The following LINGO2 variants were observed in gnomAD, a reference collection of about 807,000 sequenced individuals.
LINGO2 encodes leucine-rich repeat and immunoglobulin-like domain-containing nogo receptor-interacting protein 2.
In LINGO2, 14 loss-of-function variants were observed where a neutral mutation model predicts 30.6. That is an observed-to-expected ratio of 0.46 (90% CI 0.30 to 0.72). The LOEUF is 0.72. LINGO2 is among the 30% of genes least tolerant of loss of function. The probability of loss-of-function intolerance (pLI) is 0.07; values close to 1 mark genes in which losing one functional copy is unlikely to be tolerated. For synonymous variants in LINGO2, 317 were observed against 288.5 expected (o/e 1.10, Z -1.00); for missense variants, 729 against 751.7 (o/e 0.97, Z 0.35).
chr9:28,659,887 A>T (rs1016740968), intron 1 of LINGO2, among the ~76,000 whole-genome samples: 1 of 152,152 alleles, frequency 6.6e-6, no homozygotes, highest in Non-Finnish European at 1.5e-5. Flanking sequence ...TAAAATAAAG[A>T]CCTTCATAGA....
chr9:28,915,421 C>A, the LINGO2 span, among the ~76,000 whole-genome samples: 2 of 152,024 alleles, frequency 1.3e-5, no homozygotes, highest in African/African-American at 2.4e-5. Flanking sequence ...TGAGAATCTA[C>A]CTTAGTAACA....
the LINGO2 span, among the ~76,000 whole-genome samples, chr9:29,108,899 G>A: frequency 1.6e-4 from 25 of 152,256 alleles, no homozygotes; most frequent in African/African-American, 5.8e-4. Context: ...TAAAATTTTT[G>A]TAAGCCCAAT....
chr9:29,073,035 G>C, the LINGO2 span, among the ~76,000 whole-genome samples: 2 of 149,972 alleles, frequency 1.3e-5, no homozygotes, highest in Admixed American at 1.3e-4. Flanking sequence ...AGCTTGGCTA[G>C]AACCCCCCTC....
chr9:29,024,626 T>C, the LINGO2 span, among the ~76,000 whole-genome samples: 3 of 152,134 alleles, frequency 2.0e-5, no homozygotes, highest in African/African-American at 7.2e-5. Flanking sequence ...GAAAATGACC[T>C]ATTTTAACTA....
At chr9:28,193,884 T>C (rs1256835934) in intron 4 of LINGO2, among the ~76,000 whole-genome samples, 1 of 152,190 alleles carries the variant, frequency 6.6e-6, no homozygotes, top group Admixed American at 6.5e-5. Flanking sequence ...TCTAGGCTAG[T>C]TTGGTCTCCT....
chr9:29,177,822 C>T, the LINGO2 span, among the ~76,000 whole-genome samples: 1 of 151,900 alleles, frequency 6.6e-6, no homozygotes, highest in Admixed American at 6.6e-5. Context: ...GAAAATTGTC[C>T]CCAAATTCTC....
the LINGO2 span, among the ~76,000 whole-genome samples, chr9:28,797,359 T>TATATATAGAGAGAGAGAG: frequency 5.8e-4 from 20 of 34,206 alleles, no homozygotes; most frequent in South Asian, 2.0e-3. Flanking sequence ...TATATATATA[T>TATATATAGAGAGAGAGAG]AGAGAGAGAG....
chr9:28,330,442 C>T (rs551243163), intron 3 of LINGO2, among the ~76,000 whole-genome samples: 6 of 152,282 alleles, frequency 3.9e-5, no homozygotes, highest in Admixed American at 6.5e-5. Context: ...TAACATCACA[C>T]ATTAGTGTGG....
At chr9:29,144,704 A>G in the LINGO2 span, among the ~76,000 whole-genome samples, 3 of 152,164 alleles carry the variant, frequency 2.0e-5, no homozygotes, top group Non-Finnish European at 4.4e-5. Flanking sequence ...ACCACAGCAC[A>G]GCTGACTGTC....
chr9:28,668,418 T>G (rs1828884339), intron 1 of LINGO2, among the ~76,000 whole-genome samples: 1 of 152,070 alleles, frequency 6.6e-6, no homozygotes, highest in Admixed American at 6.5e-5. Context: ...TAAAATAAAG[T>G]TCTCAGTGCA....
the LINGO2 span, among the ~76,000 whole-genome samples, chr9:29,019,831 C>CTAT: frequency 6.6e-6 from 1 of 152,036 alleles, no homozygotes. Context: ...CTATTCCATT[C>CTAT]CTTATGAGTT....
At chr9:28,538,955 A>G (rs905852016) in intron 1 of LINGO2, among the ~76,000 whole-genome samples, 1 of 152,132 alleles carries the variant, frequency 6.6e-6, no homozygotes, top group Non-Finnish European at 1.5e-5. Flanking sequence ...AAAATAAAAT[A>G]AAAAAATCCA....
At chr9:28,414,072 T>A (rs1169043609) in intron 2 of LINGO2, among the ~76,000 whole-genome samples, 2 of 152,076 alleles carry the variant, frequency 1.3e-5, no homozygotes, top group African/African-American at 4.8e-5. Flanking sequence ...GCTTGTTTTT[T>A]AAAAAATATT....
chr9:27,971,872 C>G (rs1021885008), intron 5 of LINGO2, among the ~76,000 whole-genome samples: 1 of 152,120 alleles, frequency 6.6e-6, no homozygotes, highest in Non-Finnish European at 1.5e-5. Context: ...TTCTCTGTAG[C>G]AGACAGACAC....
intron 4 of LINGO2, among the ~76,000 whole-genome samples, chr9:28,017,938 C>T (rs1362281026): frequency 2.0e-5 from 3 of 152,118 alleles, no homozygotes; most frequent in Admixed American, 1.3e-4. Flanking sequence ...AGGCATCACA[C>T]GACCTGACTT....
At chr9:28,111,652 T>C (rs1826794968) in intron 4 of LINGO2, among the ~76,000 whole-genome samples, 1 of 151,980 alleles carries the variant, frequency 6.6e-6, no homozygotes, top group Non-Finnish European at 1.5e-5. Flanking sequence ...GATCTTAAAA[T>C]CAGGAAAGGG....
chr9:28,594,800 T>C (rs1002433586), intron 1 of LINGO2, among the ~76,000 whole-genome samples: 2 of 152,016 alleles, frequency 1.3e-5, no homozygotes, highest in Non-Finnish European at 2.9e-5. Flanking sequence ...TATATCCTAT[T>C]TCAAAAACTG....
chr9:29,053,774 C>T, the LINGO2 span, among the ~76,000 whole-genome samples: 1 of 151,960 alleles, frequency 6.6e-6, no homozygotes, highest in East Asian at 1.9e-4. Flanking sequence ...ATAAACTAAT[C>T]TAAATTATTA....
chr9:28,415,139 A>G (rs1204168363), intron 2 of LINGO2, among the ~76,000 whole-genome samples: 2 of 152,140 alleles, frequency 1.3e-5, no homozygotes, highest in Admixed American at 6.6e-5. Flanking sequence ...GATAATGACA[A>G]ATTCTTCGAC....
Sources: allele counts gnomAD v4.1 joint callset (sites outside exome capture counted in the v4.1 genomes callset), GRCh38; gene constraint gnomAD v4.1.1; transcripts MANE v1.5; gene names NCBI Gene and HGNC (gene_info 2026-07-23, HGNC 2026-07-21).